Variants in SLCO6A1 observed in about 807,000 individuals in gnomAD.
SLCO6A1 encodes the protein cancer/testis antigen 48.
SLCO6A1 carries 65 observed loss-of-function variants against 72.7 expected under a neutral mutation model. The ratio of observed to expected loss-of-function variants is 0.89; its 90% CI spans 0.73 to 1.10. The LOEUF (loss-of-function observed/expected upper bound fraction) is 1.10, where lower values mean the gene tolerates loss of function less well. Among genes scored for constraint, SLCO6A1 ranks in the 50% least tolerant of loss-of-function variants. SLCO6A1 has a pLI of 0.00. For synonymous variants in SLCO6A1, 314 were observed against 298.2 expected (o/e 1.05, Z -0.55); for missense variants, 874 against 872.6 (o/e 1.00, Z -0.02).
At chr5:102,382,466 T>C (rs961243896) in intron 12 of SLCO6A1, among the ~76,000 whole-genome samples, 2 of 148,788 alleles carry the variant, frequency 1.3e-5, no homozygotes, top group Admixed American at 1.4e-4. Context: ...CCATTGAAGG[T>C]CTTTTGTGAT....
chr5:102,484,707 T>C (rs2112843132), intron 1 of SLCO6A1, among the ~76,000 whole-genome samples: 1 of 152,268 alleles, frequency 6.6e-6, no homozygotes, highest in African/African-American at 2.4e-5. Context: ...ATTACATTGG[T>C]GAAGCTGAAA....
chr5:102,498,516 A>G lies in SLCO6A1; in HGVS notation c.329T>C (p.Ile110Thr). Residue 110 changes from isoleucine to threonine, a missense_variant, in exon 1 of 14, where the codon ATT becomes ACT. Physicochemically the swap from Ile to Thr is moderately conservative, Grantham distance 89. Transcript: ENST00000506729. ...ECCNNIRCFM[I>T]FYCILLICQG... ...ACATATGAGCAGGATGCAGTAGAAA[A>G]TCATGAAGCAGCGAATGTTATTGCA... 1.2e-6 allele frequency: 2 copies of G among 1,613,952 alleles called. No homozygotes were observed. The highest frequency in any genetic ancestry group is 1.3e-5 in the African/African-American group (1 of 75,040).
In SLCO6A1 at chr5:102,498,539, G is replaced by C. The variant is rs1753013698; in HGVS notation, c.306C>G (p.Cys102Trp). The change falls in exon 1 of 14, where the codon TGC (cysteine) becomes TGG (tryptophan). Residue 102 changes from cysteine (C) to tryptophan (W), a missense_variant. Coordinates refer to ENST00000506729, the MANE Select transcript of SLCO6A1 (RefSeq NM_173488.5). The stretch of plus-strand genomic sequence containing the variant: ...AAATCATGAAGCAGCGAATGTTATT[G>C]CAACACTCACAGCAGGTGCTGACTA... ...GCLVSTCCEC[C>W]NNIRCFMIFY... 6.2e-7 allele frequency: 1 copy of C among 1,614,196 alleles called. No individual in the cohort carries two copies. Among genetic ancestry groups the C allele is most frequent in the South Asian group, 1.1e-5 (1 of 91,088 alleles).
chr5:102,455,104 T>C (rs1196711039), intron 6 of SLCO6A1, among the ~76,000 whole-genome samples: 1 of 149,822 alleles, frequency 6.7e-6, no homozygotes, highest in Non-Finnish European at 1.5e-5. Flanking sequence ...TAAGGTGAGA[T>C]TTGACAAAGA....
Position 102,469,446 on chromosome 5 carries a change from T to A in SLCO6A1, c.899+6251A>T, listed in dbSNP as rs190061987. Among the ~76,000 whole-genome samples, 328 of 152,310 alleles carry A rather than the reference T, an allele frequency of 2.2e-3. 4 individuals carry two copies. The highest frequency in any genetic ancestry group is 7.6e-3 in the African/African-American group (317 of 41,574). ...GTAATTGTGAATTGGAGTTCACTCA[T>A]GATTTTGCTCTCTGTGTGTTATTGG... On this transcript the variant is annotated intron_variant, in intron 4 of 13. Coordinates refer to ENST00000506729, the MANE Select transcript of SLCO6A1 (RefSeq NM_173488.5).
In SLCO6A1 at chr5:102,379,938, C is replaced by T. The variant is rs890324087; in HGVS notation, c.2018-6444G>A. Among the ~76,000 whole-genome samples the T allele has an allele frequency of 7.9e-5, 12 of 151,640 alleles. No individual in the cohort carries two copies. The South Asian group carries it at 8.3e-4, about 11-fold the overall frequency. ...TTGATTTTGTAGTTGTCAGTGTAGA[C>T]GTTTTGTACAACTTAAATTTTTTAT... On this transcript the variant is annotated intron_variant, in intron 12 of 13. Coordinates refer to ENST00000506729, the MANE Select transcript of SLCO6A1 (RefSeq NM_173488.5).
chr5:102,400,102 A>G (rs1747319088), intron 9 of SLCO6A1, among the ~76,000 whole-genome samples: 1 of 152,036 alleles, frequency 6.6e-6, no homozygotes. Flanking sequence ...ATGGAATTTT[A>G]GCTGAGATTT....
intron 4 of SLCO6A1, among the ~76,000 whole-genome samples, chr5:102,464,803 A>G (rs1751227696): frequency 6.6e-6 from 1 of 152,192 alleles, no homozygotes; most frequent in Non-Finnish European, 1.5e-5. Flanking sequence ...ATCTCTTGCC[A>G]GTGCTCTTCA....
At chr5:102,427,404 C>G (rs1397668445) in intron 7 of SLCO6A1, among the ~76,000 whole-genome samples, 1 of 152,052 alleles carries the variant, frequency 6.6e-6, no homozygotes, top group East Asian at 1.9e-4. Context: ...ATAGTATATT[C>G]CCTTGATATG....
At position 102,399,653 on chromosome 5, in the gene SLCO6A1, A is replaced by C. The variant is rs746411339; in HGVS notation, c.1716T>G (p.Asp572Glu). The C allele has an allele frequency of 6.2e-7, 1 of 1,610,396 alleles. No homozygotes were observed. Among genetic ancestry groups the C allele is most frequent in the South Asian group, 1.1e-5 (1 of 90,596 alleles). Residue 572 changes from aspartate (D) to glutamate (E), a missense_variant, in exon 10 of 14, where the codon GAT (aspartate) becomes GAG (glutamate). Coordinates refer to ENST00000506729, the MANE Select transcript of SLCO6A1 (RefSeq NM_173488.5). Reference sequence around the variant, plus strand: ...ACAAAGGTAACTTATAGCACTTTGCATCACATTTCCCGGGTCTGGCATCAA... The same window carrying C: ...ACAAAGGTAACTTATAGCACTTTGCCTCACATTTCCCGGGTCTGGCATCAA... Reference protein sequence around the residue: ...DFIDARPGKCDAKCYKLPLFI... With the variant: ...DFIDARPGKCEAKCYKLPLFI...
chr5:102,497,963 A>C (rs567660128), intron 1 of SLCO6A1, among the ~76,000 whole-genome samples: 1 of 152,048 alleles, frequency 6.6e-6, no homozygotes, highest in Non-Finnish European at 1.5e-5. Flanking sequence ...TATTTTGCAG[A>C]CCCTTCACTG....
At chr5:102,430,893 G>C (rs1749179141) in intron 7 of SLCO6A1, among the ~76,000 whole-genome samples, 1 of 151,962 alleles carries the variant, frequency 6.6e-6, no homozygotes, top group African/African-American at 2.4e-5. Context: ...TTGTACATTT[G>C]GTAGAGTTTG....
chr5:102,483,679 T>A (rs2112840413), intron 1 of SLCO6A1, among the ~76,000 whole-genome samples: 1 of 152,290 alleles, frequency 6.6e-6, no homozygotes, highest in South Asian at 2.1e-4. Flanking sequence ...TTAGCATTCC[T>A]TTAACTCAGG....
At chr5:102,435,394 C>T (rs1407937290) in intron 7 of SLCO6A1, among the ~76,000 whole-genome samples, 1 of 152,078 alleles carries the variant, frequency 6.6e-6, no homozygotes, top group African/African-American at 2.4e-5. Context: ...TGCTGTTAAA[C>T]TCCAGAAGTG....
intron 11 of SLCO6A1, 146 bp downstream of exon 11, chr5:102,390,835 G>A (rs920955768): frequency 1.8e-5 from 11 of 608,616 alleles, no homozygotes; most frequent in African/African-American, 1.7e-4. Flanking sequence ...TCTTTACATT[G>A]TCTCCTAAAT....
chr5:102,408,484 C>T (rs1747796108), intron 9 of SLCO6A1, among the ~76,000 whole-genome samples: 1 of 152,080 alleles, frequency 6.6e-6, no homozygotes, highest in African/African-American at 2.4e-5. Flanking sequence ...TAAACATAAT[C>T]AAAGCCACAT....
At chr5:102,394,759 A>G (rs1037021567) in intron 10 of SLCO6A1, among the ~76,000 whole-genome samples, 1 of 152,138 alleles carries the variant, frequency 6.6e-6, no homozygotes, top group Non-Finnish European at 1.5e-5. Context: ...ATGAAAGGAT[A>G]AAATATAGAG....
chr5:102,479,557 A>G (rs930346316), intron 2 of SLCO6A1, among the ~76,000 whole-genome samples: 15 of 152,226 alleles, frequency 9.9e-5, no homozygotes, highest in Non-Finnish European at 1.5e-4. Flanking sequence ...CTTAAAATTC[A>G]TCAGGGTATA....
intron 1 of SLCO6A1, among the ~76,000 whole-genome samples, chr5:102,482,265 G>C (rs977476894): frequency 6.6e-6 from 1 of 152,022 alleles, no homozygotes; most frequent in South Asian, 2.1e-4. Flanking sequence ...TAAAAAACCA[G>C]AACATATACA....
Sources: allele counts gnomAD v4.1 joint callset (sites outside exome capture counted in the v4.1 genomes callset), GRCh38; gene constraint gnomAD v4.1.1; transcripts MANE v1.5; gene names NCBI Gene and HGNC (gene_info 2026-07-23, HGNC 2026-07-21).